Variants in GRIK4 observed in about 807,000 individuals in gnomAD.
GRIK4 encodes glutamate receptor ionotropic, kainate 4.
GRIK4 carries 40 observed loss-of-function variants against 104.9 expected under a neutral mutation model. That is an observed-to-expected ratio of 0.38 (90% CI 0.30 to 0.50). The LOEUF is 0.50. Ranked by LOEUF, GRIK4 falls within the 20% of genes least tolerant of loss-of-function variation. The pLI is 0.93. For synonymous variants in GRIK4, 485 were observed against 524.9 expected, an observed-to-expected ratio of 0.92 and a Z score of 1.04; for missense variants, 1,047 against 1,308.1, an observed-to-expected ratio of 0.80 and a Z score of 3.08.
In GRIK4 at chr11:120,967,743, C is replaced by A. The variant is rs906867967; in HGVS notation, c.2395+420C>A. ...GCAAACTCGATGGCAGCATTCCCCC[C>A]ACAAACCTCCCAATGGTTTCCCATC... On this transcript the variant is annotated intron_variant, in intron 19 of 20. Coordinates refer to ENST00000527524, the MANE Select transcript of GRIK4 (RefSeq NM_014619.5). The surrounding 1 kb of genome is among the most constrained non-coding windows in gnomAD (Gnocchi z 4.2). 6.6e-6 allele frequency among the ~76,000 whole-genome samples: 1 copy of A among 152,138 alleles called. No homozygotes were observed.
At chr11:120,927,815 A>G (rs760082545) in intron 13 of GRIK4, among the ~76,000 whole-genome samples, 1 of 152,170 alleles carries the variant, frequency 6.6e-6, no homozygotes, top group Non-Finnish European at 1.5e-5. Flanking sequence ...AAGTGTACAC[A>G]TATTTTGATA....
chr11:120,947,695 G>A (rs893443220), intron 14 of GRIK4, among the ~76,000 whole-genome samples: 1 of 152,152 alleles, frequency 6.6e-6, no homozygotes, highest in Non-Finnish European at 1.5e-5. Context: ...TATTTATTGA[G>A]TGCCTCTCTC....
chr11:120,741,425 C>G (rs1466102209), intron 3 of GRIK4, among the ~76,000 whole-genome samples: 1 of 151,634 alleles, frequency 6.6e-6, no homozygotes, highest in African/African-American at 2.4e-5. Context: ...ACTACAGGCA[C>G]GCACCACCAC....
At chr11:120,688,386 T>C (rs1950306558) in intron 3 of GRIK4, among the ~76,000 whole-genome samples, 1 of 152,222 alleles carries the variant, frequency 6.6e-6, no homozygotes, top group African/African-American at 2.4e-5. Context: ...GAGCAGCTCT[T>C]AGCTGGGTGT....
Position 120,724,974 on chromosome 11 carries a change from A to G in GRIK4, c.82+64574A>G, listed in dbSNP as rs145121263. ...GGTGCAAACATCTGACTCTTTCATT[A>G]TGTCTTCTAGTTTAGTCTTGCTCAA... On this transcript the variant is annotated intron_variant, in intron 3 of 20. Coordinates refer to ENST00000527524, the MANE Select transcript of GRIK4 (RefSeq NM_014619.5). Among the ~76,000 whole-genome samples, 48 of 151,750 alleles carry G rather than the reference A, an allele frequency of 3.2e-4. 1 individual carries two copies. In the East Asian group the frequency reaches 8.9e-3, roughly 28 times the overall value.
At chr11:120,912,814 G>A (rs1943029094) in intron 13 of GRIK4, among the ~76,000 whole-genome samples, 1 of 152,176 alleles carries the variant, frequency 6.6e-6, no homozygotes, top group East Asian at 1.9e-4. Context: ...ATGCAGGGAC[G>A]TTCATGTGGC....
At chr11:120,898,351 G>A (rs527815290) in intron 11 of GRIK4, among the ~76,000 whole-genome samples, 181 bp from the exon 12 acceptor site, 81 of 140,268 alleles carry the variant, frequency 5.8e-4, no homozygotes, top group African/African-American at 1.8e-3. Context: ...TACAGCCCCC[G>A]TTTCCCTCAG....
chr11:120,541,107 C>A (rs546744936), intron 1 of GRIK4, among the ~76,000 whole-genome samples: 1 of 152,286 alleles, frequency 6.6e-6, no homozygotes, highest in Non-Finnish European at 1.5e-5. Context: ...GCGCAGCTAC[C>A]GGAATGTGCT....
chr11:120,592,091 C>T (rs114992472), intron 1 of GRIK4, among the ~76,000 whole-genome samples: 1 of 152,174 alleles, frequency 6.6e-6, no homozygotes, highest in Non-Finnish European at 1.5e-5. Flanking sequence ...TCACAAAAGA[C>T]CTTGCTTTAC....
intron 1 of GRIK4, among the ~76,000 whole-genome samples, chr11:120,527,602 G>A (rs1947871592): frequency 6.6e-6 from 1 of 152,268 alleles, no homozygotes; most frequent in Admixed American, 6.5e-5. Flanking sequence ...GCTGGGGGCT[G>A]GGAGGAAGAC....
At chr11:120,605,606 G>C (rs1948950328) in intron 1 of GRIK4, among the ~76,000 whole-genome samples, 1 of 152,202 alleles carries the variant, frequency 6.6e-6, no homozygotes, top group African/African-American at 2.4e-5. Flanking sequence ...CATGGGTTGT[G>C]GTTCTACCTT....
intron 1 of GRIK4, among the ~76,000 whole-genome samples, chr11:120,533,706 T>C (rs11217906): frequency 0.023 from 3,521 of 152,278 alleles, 57 homozygotes; most frequent in Middle Eastern, 0.037. Flanking sequence ...GGTGAAACCC[T>C]GTCTCTACAA....
chr11:120,962,820 A>G, intron 18 of GRIK4, 139 bp downstream of exon 18: 1 of 479,042 alleles, frequency 2.1e-6, no homozygotes. Context: ...TGGGCATTCT[A>G]AAGTTTTTTT....
At chr11:120,634,364 C>T (rs2135188374) in intron 1 of GRIK4, among the ~76,000 whole-genome samples, 1 of 152,272 alleles carries the variant, frequency 6.6e-6, no homozygotes, top group South Asian at 2.1e-4. Flanking sequence ...AGCTGGCATT[C>T]AAACCCAGCT....
At chr11:120,618,571 C>T (rs933109934) in intron 1 of GRIK4, among the ~76,000 whole-genome samples, 2 of 152,218 alleles carry the variant, frequency 1.3e-5, no homozygotes, top group African/African-American at 2.4e-5. Flanking sequence ...CTTGTCCCAT[C>T]GTAGGCCCAG....
At chr11:120,921,795 T>C (rs778172275) in intron 13 of GRIK4, among the ~76,000 whole-genome samples, 12 of 152,160 alleles carry the variant, frequency 7.9e-5, no homozygotes, top group Non-Finnish European at 1.8e-4. Context: ...GACCCTCCAG[T>C]CTCCAATTTT....
intron 1 of GRIK4, among the ~76,000 whole-genome samples, chr11:120,531,106 T>C (rs1426942735): frequency 6.6e-6 from 1 of 152,190 alleles, no homozygotes; most frequent in Non-Finnish European, 1.5e-5. Flanking sequence ...CTTTAGATAT[T>C]TGGAGACAGC....
chr11:120,542,189 G>T (rs1448934391), intron 1 of GRIK4, among the ~76,000 whole-genome samples: 7 of 152,178 alleles, frequency 4.6e-5, no homozygotes, highest in Admixed American at 4.6e-4. Context: ...AGAGGCACAA[G>T]AATACACAGT....
intron 1 of GRIK4, among the ~76,000 whole-genome samples, chr11:120,578,548 A>G (rs1043302065): frequency 3.9e-5 from 6 of 152,230 alleles, no homozygotes; most frequent in African/African-American, 1.2e-4. Flanking sequence ...CAGGGCATCC[A>G]GTAAGTCCAT....
Sources: allele counts gnomAD v4.1 joint callset (sites outside exome capture counted in the v4.1 genomes callset), GRCh38; gene constraint gnomAD v4.1.1; non-coding constraint Gnocchi (gnomAD v3.1); transcripts MANE v1.5; gene names NCBI Gene and HGNC (gene_info 2026-07-23, HGNC 2026-07-21).